POR: variants seen among roughly 807,000 people sequenced by gnomAD.
POR encodes NADPH--cytochrome P450 reductase.
Under a neutral mutation model 84.0 loss-of-function variants are expected in POR, and 56 were observed. The observed-to-expected ratio is 0.67, with a 90% CI of 0.54 to 0.83. POR has a LOEUF of 0.83. Ranked by LOEUF, POR falls within the 40% of genes least tolerant of loss-of-function variation. POR has a pLI of 0.00. For synonymous variants in POR, 414 were observed against 400.5 expected (o/e 1.03, Z -0.40); for missense variants, 938 against 944.3 (o/e 0.99, Z 0.09).
Position 75,920,185 on chromosome 7 carries a change from C to T in POR, c.-5+5006C>T, listed in dbSNP as rs553000109. ...GGTTCAAGCAATTCTTCTGCCTCAG[C>T]CTCCCAAGTAGCTGGGATTACAGGC... On this transcript the variant is annotated intron_variant, in intron 1 of 15. Coordinates refer to ENST00000461988, the MANE Select transcript of POR (RefSeq NM_000941.3). Among the ~76,000 whole-genome samples, 8 of 150,904 alleles carry T rather than the reference C, an allele frequency of 5.3e-5. No homozygotes were observed. In the South Asian group the frequency reaches 1.5e-3, roughly 27 times the overall value.
At position 75,958,139 on chromosome 7, in the gene POR, C is replaced by T. The variant is rs963382102; in HGVS notation, c.188+3959C>T. On this transcript the variant is annotated intron_variant, in intron 2 of 15. Coordinates refer to ENST00000461988, the MANE Select transcript of POR (RefSeq NM_000941.3). ...TACTATTTATTTATTTATTTTGAGG[C>T]AGGGTCTCACTCTGTCGTTCAGGCT... 2.0e-5 allele frequency among the ~76,000 whole-genome samples: 3 copies of T among 152,100 alleles called. No individual in the cohort carries two copies. The South Asian group carries it at 6.2e-4, about 31-fold the overall frequency.
chr7:75,937,130 G>A (rs1807734092), intron 1 of POR, among the ~76,000 whole-genome samples: 2 of 151,244 alleles, frequency 1.3e-5, no homozygotes, highest in South Asian at 4.2e-4. Context: ...TCCGGCCGCT[G>A]TTTCTGTTTT....
intron 3 of POR, among the ~76,000 whole-genome samples, chr7:75,974,514 TTTTTC>T (rs1386912069): frequency 2.0e-5 from 3 of 148,682 alleles, no homozygotes; most frequent in Non-Finnish European, 3.0e-5. Context: ...TTCTTTTTCT[TTTTTC>T]TTTTCTTTTT....
intron 2 of POR, among the ~76,000 whole-genome samples, chr7:75,955,606 A>T (rs1787651747): frequency 6.6e-6 from 1 of 152,146 alleles, no homozygotes; most frequent in South Asian, 2.1e-4. Flanking sequence ...GACTCCCTGG[A>T]TTTGGCAAGG....
chr7:75,927,409 A>G (rs1434661469), intron 1 of POR, among the ~76,000 whole-genome samples: 1 of 151,898 alleles, frequency 6.6e-6, no homozygotes, highest in Non-Finnish European at 1.5e-5. Context: ...CTGGGCTGTC[A>G]TCACGCCACT....
At chr7:75,978,680 T>G (rs1433800784) in intron 3 of POR, among the ~76,000 whole-genome samples, 1 of 152,110 alleles carries the variant, frequency 6.6e-6, no homozygotes, top group African/African-American at 2.4e-5. Flanking sequence ...TGTGCCACCA[T>G]GCCCGGCTAA....
At chr7:75,974,553 G>A (rs1349067001) in intron 3 of POR, among the ~76,000 whole-genome samples, 1 of 142,846 alleles carries the variant, frequency 7.0e-6, no homozygotes, top group African/African-American at 2.6e-5. Flanking sequence ...TTGAGACAGG[G>A]TCTCGCTTTG....
At chr7:75,958,814 C>G (rs1048486629) in intron 2 of POR, among the ~76,000 whole-genome samples, 4 of 151,936 alleles carry the variant, frequency 2.6e-5, no homozygotes, top group African/African-American at 9.7e-5. Flanking sequence ...CCCCCACCCC[C>G]CCGCCATCTC....
chr7:75,941,072 G>GGT (rs1410273649), intron 1 of POR, among the ~76,000 whole-genome samples: 53 of 152,318 alleles, frequency 3.5e-4, no homozygotes, highest in African/African-American at 1.2e-3. Context: ...GGGAGGCTAA[G>GGT]GTGGGAGGAT....
At chr7:75,958,264 GCACCAC>G in intron 2 of POR, among the ~76,000 whole-genome samples, 1 of 152,172 alleles carries the variant, frequency 6.6e-6, no homozygotes, top group South Asian at 2.1e-4. Context: ...CTACAGGCGT[GCACCAC>G]CACCCTTGGC....
At chr7:75,970,703 C>T (rs1357638587) in intron 2 of POR, among the ~76,000 whole-genome samples, 4 of 150,224 alleles carry the variant, frequency 2.7e-5, no homozygotes, top group African/African-American at 4.9e-5. Context: ...GAGCCAAGAT[C>T]GTGCCACTGC....
At chr7:75,959,360 A>G (rs1224370793) in intron 2 of POR, among the ~76,000 whole-genome samples, 1 of 152,188 alleles carries the variant, frequency 6.6e-6, no homozygotes, top group African/African-American at 2.4e-5. Flanking sequence ...GCCACAGAGC[A>G]GTAGGGAGTA....
chr7:75,949,682 G>T (rs1022587824), intron 1 of POR, among the ~76,000 whole-genome samples: 8 of 151,800 alleles, frequency 5.3e-5, no homozygotes, highest in African/African-American at 1.9e-4. Context: ...ACTGCATCCG[G>T]CTGATTTTTG....
intron 1 of POR, among the ~76,000 whole-genome samples, chr7:75,948,874 G>A (rs952486133): frequency 2.0e-5 from 3 of 152,142 alleles, no homozygotes; most frequent in African/African-American, 7.2e-5. Context: ...GTCAGAGGGT[G>A]GGGATTGTGG....
intron 1 of POR, among the ~76,000 whole-genome samples, chr7:75,949,389 C>T (rs1473815207): frequency 1.3e-5 from 2 of 151,732 alleles, no homozygotes; most frequent in Admixed American, 6.6e-5. Context: ...CTCCTGACCT[C>T]GTGATCCACC....
At chr7:75,953,356 T>TAAA (rs781821579) in intron 1 of POR, among the ~76,000 whole-genome samples, 2 of 122,406 alleles carry the variant, frequency 1.6e-5, no homozygotes, top group Admixed American at 1.7e-4. Context: ...CTTTGTCTCT[T>TAAA]AAAAAAAAAA....
chr7:75,952,390 C>T (rs1296973745), intron 1 of POR, among the ~76,000 whole-genome samples: 2 of 134,002 alleles, frequency 1.5e-5, no homozygotes, highest in African/African-American at 5.9e-5. Flanking sequence ...ACCTCCCGGA[C>T]GGGGCAGCTG....
intron 3 of POR, among the ~76,000 whole-genome samples, chr7:75,976,385 T>C (rs1788688920): frequency 1.4e-5 from 2 of 147,916 alleles, no homozygotes; most frequent in Admixed American, 6.7e-5. Context: ...GGAGGTTGCA[T>C]TGAGCCAAGA....
At chr7:75,939,558 T>TA (rs1554551281) in intron 1 of POR, among the ~76,000 whole-genome samples, 1 of 149,682 alleles carries the variant, frequency 6.7e-6, no homozygotes, top group East Asian at 1.9e-4. Flanking sequence ...TTTTTTTTTT[T>TA]AAATACAGAA....
Sources: gnomAD v4.1 joint callset for allele counts (sites outside exome capture counted in the v4.1 genomes callset) on GRCh38, gnomAD v4.1.1 for gene constraint, MANE v1.5 for transcripts, NCBI Gene and HGNC (gene_info 2026-07-23, HGNC 2026-07-21) for gene names.